Variants in SAMSN1 observed in about 807,000 individuals in gnomAD.
SAMSN1 encodes the protein SAM domain, SH3 domain and nuclear localization signals 1.
Under a neutral mutation model 42.0 loss-of-function variants are expected in SAMSN1, and 31 were observed. The ratio of observed to expected loss-of-function variants is 0.74; its 90% CI spans 0.55 to 1.00. The LOEUF is 1.00. SAMSN1 is among the 50% of genes least tolerant of loss of function. The pLI, the probability that SAMSN1 is intolerant of heterozygous loss-of-function variation, is 0.00. For missense variants in SAMSN1, 464 were observed against 439.4 expected, an observed-to-expected ratio of 1.06 and a Z score of -0.50; for synonymous variants, 178 against 151.9, an observed-to-expected ratio of 1.17 and a Z score of -1.26.
chr21:14,567,839 A>G (rs1981170523), intron 2 of SAMSN1, among the ~76,000 whole-genome samples: 1 of 152,052 alleles, frequency 6.6e-6, no homozygotes. Flanking sequence ...CTCATTTGGA[A>G]AATTCAATTG....
intron 5 of SAMSN1, among the ~76,000 whole-genome samples, chr21:14,608,830 A>AT (rs943122149): frequency 1.3e-5 from 2 of 152,112 alleles, no homozygotes; most frequent in Admixed American, 6.6e-5. Flanking sequence ...AAAATAATCA[A>AT]TTTTTTTCTC....
intron 2 of SAMSN1, chr21:14,642,917 G>A: frequency 1.7e-6 from 1 of 598,936 alleles, no homozygotes; most frequent in South Asian, 2.3e-5. Context: ...GTGAATTTTT[G>A]CTGTATTAAT....
chr21:14,544,105 A>G (rs1334120076), intron 1 of SAMSN1, among the ~76,000 whole-genome samples: 4 of 152,186 alleles, frequency 2.6e-5, no homozygotes, highest in African/African-American at 9.7e-5. Flanking sequence ...GCTGGAGTGC[A>G]GTGGCACGAA....
rs558340480 is a variant in SAMSN1 at position 14,497,900 on chromosome 21, A to G, written c.919+542T>C. 6.6e-5 allele frequency among the ~76,000 whole-genome samples: 10 copies of G among 152,240 alleles called. 1 individual carries two copies. The highest frequency in any genetic ancestry group is 2.6e-4 in the Admixed American group (4 of 15,284). ...CAAGATTATTTCATCTTCAGTTAAT[A>G]CTTACAAATACAGAGAACCATCTCA... On this transcript the variant is annotated intron_variant, in intron 7 of 7. Transcript: ENST00000400566.
At chr21:14,655,670 TA>T (rs542129596) in intron 1 of SAMSN1, among the ~76,000 whole-genome samples, 52 of 151,688 alleles carry the variant, frequency 3.4e-4, no homozygotes, top group Admixed American at 6.6e-4. Context: ...TAGAGTTATT[TA>T]AAAAAAATTT....
intron 2 of SAMSN1, among the ~76,000 whole-genome samples, chr21:14,618,084 T>A (rs978492865): frequency 6.6e-6 from 1 of 152,228 alleles, no homozygotes; most frequent in Admixed American, 6.5e-5. Flanking sequence ...ACTTTTACTA[T>A]GTATGTTGTC....
chr21:14,544,015 T>C (rs145390479), intron 1 of SAMSN1, among the ~76,000 whole-genome samples: 52 of 152,292 alleles, frequency 3.4e-4, no homozygotes, highest in African/African-American at 1.2e-3. Context: ...CTATGAGCCT[T>C]TTATTTGTAG....
chr21:14,525,074 A>G (rs942944459), intron 1 of SAMSN1, among the ~76,000 whole-genome samples: 13 of 152,210 alleles, frequency 8.5e-5, no homozygotes, highest in Non-Finnish European at 1.5e-4. Context: ...ATTGTTCTGT[A>G]TATGTTCATA....
At chr21:14,632,254 T>C (rs1195436112) in intron 2 of SAMSN1, among the ~76,000 whole-genome samples, 1 of 152,158 alleles carries the variant, frequency 6.6e-6, no homozygotes, top group Non-Finnish European at 1.5e-5. Context: ...CTCGGTGTAA[T>C]CCCTGCAAAC....
At chr21:14,530,710 A>G (rs759778051) in intron 1 of SAMSN1, among the ~76,000 whole-genome samples, 1 of 152,186 alleles carries the variant, frequency 6.6e-6, no homozygotes, top group Non-Finnish European at 1.5e-5. Flanking sequence ...CCATTTTCAG[A>G]GTTAAAAAGT....
chr21:14,600,480 G>C (rs1015890838), intron 6 of SAMSN1, among the ~76,000 whole-genome samples: 2 of 152,020 alleles, frequency 1.3e-5, no homozygotes, highest in African/African-American at 2.4e-5. Flanking sequence ...GAATTCCTTC[G>C]ATCTTTAGTG....
Position 14,556,557 on chromosome 21 carries a change from C to G in SAMSN1, c.261+25579G>C, listed in dbSNP as rs75541669. Among the ~76,000 whole-genome samples, 482 of 152,246 alleles carry G rather than the reference C, an allele frequency of 3.2e-3. 10 individuals carry two copies. The South Asian group carries it at 0.044, about 14-fold the overall frequency. On this transcript the variant is annotated intron_variant, in intron 2 of 8. Coordinates refer to the SAMSN1 transcript ENST00000285670. ...CCAATTAAATGGAATTCCACCTTTT[C>G]TTTTTAACATAAAGGGTAATAAAAG...
intron 2 of SAMSN1, among the ~76,000 whole-genome samples, chr21:14,624,120 T>G (rs1983097454): frequency 2.0e-5 from 3 of 152,066 alleles, no homozygotes; most frequent in Non-Finnish European, 4.4e-5. Context: ...GGGACACATT[T>G]AAAGAAATGT....
chr21:14,488,920 T>C (rs2123638442), intron 7 of SAMSN1, among the ~76,000 whole-genome samples: 1 of 152,304 alleles, frequency 6.6e-6, no homozygotes, highest in South Asian at 2.1e-4. Context: ...CAGGTCATTA[T>C]GTTATATTAC....
chr21:14,646,479 T>A (rs1006782013), intron 1 of SAMSN1, among the ~76,000 whole-genome samples: 1 of 152,156 alleles, frequency 6.6e-6, no homozygotes, highest in Non-Finnish European at 1.5e-5. Flanking sequence ...GCTGAGGGAT[T>A]TCAAGAACGC....
At chr21:14,569,250 G>A (rs768413262) in intron 2 of SAMSN1, among the ~76,000 whole-genome samples, 22 of 152,238 alleles carry the variant, frequency 1.4e-4, no homozygotes, top group African/African-American at 3.1e-4. Flanking sequence ...AGCTGTGACC[G>A]CACTACTGCA....
intron 2 of SAMSN1, among the ~76,000 whole-genome samples, chr21:14,623,043 T>G (rs530689612): frequency 6.8e-4 from 103 of 152,152 alleles, no homozygotes; most frequent in Middle Eastern, 3.4e-3. Flanking sequence ...GAAGGAGAAA[T>G]AAAATCCTTT....
At chr21:14,647,310 A>G (rs1041767762) in intron 1 of SAMSN1, among the ~76,000 whole-genome samples, 3 of 151,320 alleles carry the variant, frequency 2.0e-5, no homozygotes, top group African/African-American at 7.3e-5. Context: ...ATGCGACATT[A>G]TTTCTGAGGG....
chr21:14,574,665 C>T (rs1981403878), intron 2 of SAMSN1, among the ~76,000 whole-genome samples: 2 of 152,126 alleles, frequency 1.3e-5, no homozygotes, highest in South Asian at 4.1e-4. Context: ...TCTATTTATC[C>T]TGGGTTTCTA....
Sources: allele counts gnomAD v4.1 joint callset (sites outside exome capture counted in the v4.1 genomes callset), GRCh38; gene constraint gnomAD v4.1.1; transcripts MANE v1.5; gene names NCBI Gene and HGNC (gene_info 2026-07-23, HGNC 2026-07-21).